TFG: variants seen among roughly 807,000 people sequenced by gnomAD.
TFG encodes trafficking from ER to golgi regulator, also known as protein TFG.
Under a neutral mutation model 51.4 loss-of-function variants are expected in TFG, and 22 were observed. The observed-to-expected ratio is 0.43, with a 90% confidence interval of 0.31 to 0.61. The LOEUF (loss-of-function observed/expected upper bound fraction) is 0.61. TFG is among the 20% of genes least tolerant of loss of function. The pLI, the probability that TFG is intolerant of heterozygous loss-of-function variation, is 0.12. For missense variants in TFG, 419 were observed against 487.7 expected, an observed-to-expected ratio of 0.86 and a Z score of 1.33; for synonymous variants, 187 against 165.6, an observed-to-expected ratio of 1.13 and a Z score of -0.99.
At chr3:100,745,390 T>A (rs972739514) in intron 7 of TFG, among the ~76,000 whole-genome samples, 1 of 152,264 alleles carries the variant, frequency 6.6e-6, no homozygotes, top group African/African-American at 2.4e-5. Context: ...GATTTTAAAA[T>A]CTCTTGCAAG....
chr3:100,714,698 T>A (rs1462879813), intron 2 of TFG, among the ~76,000 whole-genome samples: 1 of 152,262 alleles, frequency 6.6e-6, no homozygotes, highest in Admixed American at 6.5e-5. Context: ...AAAAGGATTT[T>A]ATGGTCAACT....
Position 100,748,073 on chromosome 3 carries a change from T to C in TFG, c.821-76T>C, listed in dbSNP as rs556175963. On this transcript the variant is annotated intron_variant, in intron 7 of 7. Coordinates refer to ENST00000240851, the MANE Select transcript of TFG (RefSeq NM_006070.6). The stretch of plus-strand genomic sequence containing the variant: ...AATTTCTCACCATTTTTGGTCCACC[T>C]AACAGTAAGACTAATTCTTTGGAAA... The C allele has an allele frequency of 2.7e-6, 4 of 1,468,962 alleles. No individual in the cohort carries two copies. The East Asian group carries it at 9.1e-5, about 34-fold the overall frequency. 91.0% of individuals were successfully genotyped at this position (1,468,962 alleles called of 1,614,324 possible).
chr3:100,743,284 T>C (rs1299739348), intron 6 of TFG: 1 of 152,190 alleles, frequency 6.6e-6, no homozygotes, highest in Non-Finnish European at 1.5e-5. Context: ...GAGTTAAGCC[T>C]TCTAATTTTC....
chr3:100,726,498 ATTAAT>A (rs1171252618), intron 3 of TFG, among the ~76,000 whole-genome samples: 2 of 152,246 alleles, frequency 1.3e-5, no homozygotes, highest in Non-Finnish European at 2.9e-5. Flanking sequence ...TATTAACTTA[ATTAAT>A]TTAAACTTAG....
At position 100,748,865 on chromosome 3, in the gene TFG, A is replaced by G. The variant is rs1185878868; in HGVS notation, c.*334A>G. ...GTTTAGCCATCTTACTTGGCTTTTTACTATTAACATGATGTACTAAAGTAG... is the reference window on the plus strand; with the variant it reads ...GTTTAGCCATCTTACTTGGCTTTTTGCTATTAACATGATGTACTAAAGTAG... On this transcript the variant is annotated 3_prime_UTR_variant, in exon 8 of 8. Transcript: ENST00000240851. The G allele has an allele frequency of 1.8e-5, 5 of 273,172 alleles. No homozygotes were observed. The highest frequency in any genetic ancestry group is 3.5e-5 in the Non-Finnish European group (5 of 143,142). The allele number at this position is 273,172 out of a possible 1,614,324, so 16.9% of individuals were successfully genotyped here.
chr3:100,740,085 G>A (rs1348229031), intron 6 of TFG, among the ~76,000 whole-genome samples: 2 of 151,974 alleles, frequency 1.3e-5, no homozygotes, highest in South Asian at 2.1e-4. Context: ...GTCTTGAGTC[G>A]TTTTTTCTAA....
intron 3 of TFG, among the ~76,000 whole-genome samples, chr3:100,723,219 G>A (rs1431688262): frequency 2.0e-5 from 3 of 152,134 alleles, no homozygotes; most frequent in African/African-American, 7.2e-5. Flanking sequence ...GAGGAACATT[G>A]TAATTACCTT....
intron 5 of TFG, among the ~76,000 whole-genome samples, 155 bp downstream of exon 5, chr3:100,732,827 A>C (rs957951299): frequency 6.6e-6 from 1 of 152,180 alleles, no homozygotes; most frequent in Non-Finnish European, 1.5e-5. Flanking sequence ...GTGTACACTT[A>C]TGTAAAAGAC....
intron 6 of TFG, among the ~76,000 whole-genome samples, chr3:100,742,325 T>C (rs2095123461): frequency 6.6e-6 from 1 of 152,194 alleles, no homozygotes; most frequent in African/African-American, 2.4e-5. Flanking sequence ...GTTGAGTTCC[T>C]ACAGCATATC....
intron 6 of TFG, chr3:100,743,264 T>G (rs2095126335): frequency 6.6e-6 from 1 of 152,220 alleles, no homozygotes; most frequent in South Asian, 2.1e-4. Context: ...TTGCTTATTT[T>G]TTTATTGTGG....
chr3:100,740,208 G>T (rs1046143272), intron 6 of TFG, among the ~76,000 whole-genome samples: 1 of 152,046 alleles, frequency 6.6e-6, no homozygotes, highest in Non-Finnish European at 1.5e-5. Flanking sequence ...TAGATACTTA[G>T]ACAACAAAAG....
At chr3:100,715,101 A>C (rs139973683) in intron 2 of TFG, among the ~76,000 whole-genome samples, 4 of 152,316 alleles carry the variant, frequency 2.6e-5, no homozygotes, top group African/African-American at 7.2e-5. Flanking sequence ...AACATCTCTG[A>C]CACTGCTTAA....
intron 1 of TFG, chr3:100,710,427 A>T (rs1576350144): frequency 6.6e-6 from 1 of 152,380 alleles, no homozygotes; most frequent in East Asian, 1.9e-4. Context: ...TAGTAGTGAG[A>T]ATCTTTACCG....
chr3:100,710,838 A>G (rs759200856), intron 1 of TFG: 15 of 152,238 alleles, frequency 9.9e-5, no homozygotes, highest in Non-Finnish European at 1.8e-4. Context: ...AGTTAATACC[A>G]GTCTCTACTT....
At chr3:100,717,579 GTTT>G (rs55750598) in intron 2 of TFG, among the ~76,000 whole-genome samples, 1 of 116,548 alleles carries the variant, frequency 8.6e-6, no homozygotes. Context: ...TTTCATCAGT[GTTT>G]TTTTTTTTTT....
intron 2 of TFG, 143 bp downstream of exon 2, chr3:100,714,012 C>G (rs537042804): frequency 9.9e-5 from 45 of 452,504 alleles, no homozygotes; most frequent in East Asian, 9.8e-4. Flanking sequence ...GCAATCCTGC[C>G]TCGGCCTCCC....
At chr3:100,713,605 ATG>A in intron 1 of TFG, 36 bp from the exon 2 acceptor site, 1 of 1,004,782 alleles carries the variant, frequency 1.0e-6, no homozygotes, top group Non-Finnish European at 1.4e-6. Flanking sequence ...CTTTTACGGT[ATG>A]TTTTGTTGTT....
intron 6 of TFG, among the ~76,000 whole-genome samples, chr3:100,739,577 T>C (rs1230237337): frequency 3.3e-5 from 5 of 152,184 alleles, no homozygotes; most frequent in African/African-American, 1.2e-4. Context: ...TTAAAATCTT[T>C]AAAATCATAT....
At position 100,736,698 on chromosome 3, in the gene TFG, C is replaced by G; in HGVS notation, c.703C>G (p.Gln235Glu). ...GCCACCATATACAGGAGCTCAGACT[C>G]AAGCAGGTCAGATTGAAGGTAAAAT... ...QQPPYTGAQT[Q>E]AGQIEGQMYQ... The change falls in exon 6 of 8, where the codon CAA becomes GAA. Residue 235 changes from glutamine (Q) to glutamate (E), a missense_variant. Gln to Glu is a conservative substitution (Grantham distance 29, BLOSUM62 2). Transcript: ENST00000240851. The G allele has an allele frequency of 6.2e-7, 1 of 1,613,904 alleles. No individual in the cohort carries two copies.
Sources: gnomAD v4.1 joint callset for allele counts (sites outside exome capture counted in the v4.1 genomes callset) on GRCh38, gnomAD v4.1.1 for gene constraint, MANE v1.5 for transcripts, NCBI Gene and HGNC (gene_info 2026-07-23, HGNC 2026-07-21) for gene names.